FAT1: variants seen among roughly 807,000 people sequenced by gnomAD.
FAT1 encodes FAT atypical cadherin 1.
Under a neutral mutation model 329.8 loss-of-function variants are expected in FAT1, and 171 were observed. The observed-to-expected ratio is 0.52, with a 90% CI of 0.46 to 0.59. The LOEUF (loss-of-function observed/expected upper bound fraction) is 0.59. Among genes scored for constraint, FAT1 ranks in the 20% least tolerant of loss-of-function variants. FAT1 has a pLI of 0.00. For missense variants in FAT1, 5,672 were observed against 5,774.4 expected (o/e 0.98, Z 0.57); for synonymous variants, 2,233 against 2,228.6 (o/e 1.00, Z -0.06).
intron 3 of FAT1, among the ~76,000 whole-genome samples, chr4:186,647,424 A>G (rs1257636942): frequency 6.6e-6 from 1 of 152,210 alleles, no homozygotes; most frequent in Non-Finnish European, 1.5e-5. Context: ...ATTTGACCCC[A>G]AGTCTGTCTG....
At chr4:186,659,540 C>T (rs1056197908) in intron 3 of FAT1, among the ~76,000 whole-genome samples, 3 of 152,296 alleles carry the variant, frequency 2.0e-5, no homozygotes, top group African/African-American at 4.8e-5. Flanking sequence ...CCGTAACACC[C>T]GCAAGAGGAA....
At chr4:186,659,364 T>C (rs1019820741) in intron 3 of FAT1, among the ~76,000 whole-genome samples, 5 of 152,230 alleles carry the variant, frequency 3.3e-5, no homozygotes, top group African/African-American at 4.8e-5. Flanking sequence ...ATGATAACTG[T>C]AGGTATTCTC....
intron 2 of FAT1, among the ~76,000 whole-genome samples, chr4:186,693,008 C>T (rs758917231): frequency 2.0e-5 from 3 of 152,120 alleles, no homozygotes; most frequent in Non-Finnish European, 4.4e-5. Context: ...AGTAGGAAGA[C>T]GATGGAGGAG....
intron 2 of FAT1, among the ~76,000 whole-genome samples, chr4:186,682,526 C>CGAAAAAAAAAAAA (rs1743267537): frequency 8.4e-6 from 1 of 119,706 alleles, no homozygotes; most frequent in Non-Finnish European, 1.6e-5. Context: ...GACTCTGTCT[C>CGAAAAAAAAAAAA]AAAAAAAAAA....
intron 2 of FAT1, among the ~76,000 whole-genome samples, chr4:186,673,259 C>G (rs1480836299): frequency 6.6e-6 from 1 of 152,144 alleles, no homozygotes; most frequent in Non-Finnish European, 1.5e-5. Flanking sequence ...ATTTAAAAAT[C>G]TATATTTAAA....
chr4:186,604,071 TTAC>T, intron 18 of FAT1, 94 bp from the exon 19 acceptor site: 1 of 956,832 alleles, frequency 1.0e-6, no homozygotes. Flanking sequence ...TCCCAAAAAA[TTAC>T]TAACTGGTAG....
chr4:186,687,245 T>C (rs954061995), intron 2 of FAT1, among the ~76,000 whole-genome samples: 1 of 152,194 alleles, frequency 6.6e-6, no homozygotes, highest in Non-Finnish European at 1.5e-5. Flanking sequence ...ATTATGATAG[T>C]TCCCTGACTG....
At chr4:186,595,314 TGTGAGA>T (rs930550100) in intron 26 of FAT1, among the ~76,000 whole-genome samples, 3 of 151,504 alleles carry the variant, frequency 2.0e-5, no homozygotes, top group African/African-American at 7.3e-5. Flanking sequence ...TGTGTGTGTG[TGTGAGA>T]GAGAGTGTGT....
chr4:186,620,941 G>C lies in FAT1; in HGVS notation c.5645C>G (p.Pro1882Arg), dbSNP rs763882754. The C allele has an allele frequency of 6.2e-7, 1 of 1,613,830 alleles. No individual in the cohort carries two copies. Among genetic ancestry groups the C allele is most frequent in the Non-Finnish European group, 8.5e-7 (1 of 1,179,910 alleles). ...INDCPPVFAK[P>R]LYEASLLLPT... ...TAACAAAAGAGATGCTTCATATAAT[G>C]GCTTGGCAAACACAGGGGGGCAGTC... The change falls in exon 10 of 27, where the codon CCA (proline) becomes CGA (arginine). Residue 1882 changes from proline to arginine, a missense_variant. Pro to Arg is a moderately radical substitution (Grantham distance 103). This residue lies in a region of FAT1 where 3,966 missense variants were observed against 3,915.2 expected (regional missense o/e 1.01). Coordinates refer to ENST00000441802, the MANE Select transcript of FAT1 (RefSeq NM_005245.4).
chr4:186,699,495 T>C (rs900209129), intron 2 of FAT1, among the ~76,000 whole-genome samples: 1 of 152,126 alleles, frequency 6.6e-6, no homozygotes, highest in Non-Finnish European at 1.5e-5. Flanking sequence ...GAAGTATATA[T>C]GTGAATAGTT....
chr4:186,676,282 A>G (rs542201097), intron 2 of FAT1, among the ~76,000 whole-genome samples: 50 of 150,708 alleles, frequency 3.3e-4, no homozygotes, highest in African/African-American at 1.2e-3. Context: ...TTTTGTGAAA[A>G]AAAAAAACAA....
In FAT1 at chr4:186,609,408, GTTTC is replaced by G. The variant is rs112434190; in HGVS notation, c.10069-92_10069-89del. The G allele has an allele frequency of 4.8e-5, 69 of 1,425,046 alleles. 1 individual carries two copies. The African/African-American group carries it at 6.5e-4, about 13-fold the overall frequency. The allele number at this position is 1,425,046 out of a possible 1,614,324, so 88.3% of individuals were successfully genotyped here. A position where few individuals can be genotyped will look rare whatever the true frequency, so the allele number is the denominator to read the frequency against. On this transcript the variant is annotated intron_variant, in intron 15 of 26. Transcript: ENST00000441802. ...AATTTGTGATATTAATAGCTTAGCTGTTTCTTTTTGTTGTTGTTTTTTTTTTGAG... is the reference window on the plus strand; with the variant it reads ...AATTTGTGATATTAATAGCTTAGCTGTTTTTGTTGTTGTTTTTTTTTTGAG...
chr4:186,627,006 C>T (rs1251232212), intron 9 of FAT1, among the ~76,000 whole-genome samples: 229 of 77,724 alleles, frequency 2.9e-3, no homozygotes, highest in Middle Eastern at 8.2e-3. Context: ...TTCATCAGCC[C>T]ACAGAATGAA....
chr4:186,600,252 C>T lies in FAT1; in HGVS notation c.11749G>A (p.Glu3917Lys), dbSNP rs765570660. The T allele has an allele frequency of 2.5e-6, 4 of 1,613,986 alleles. No homozygotes were observed. The East Asian group carries it at 6.7e-5, about 27-fold the overall frequency. ...NDGQWHAVALEVNGNYARLVL... is the reference protein window; with the variant it reads ...NDGQWHAVALKVNGNYARLVL... ...AAGCGAGCATAGTTTCCATTCACTT[C>T]CAGGGCCACTGCGTGCCACTGCCCA... is the stretch of plus-strand genomic sequence containing the variant. The change falls in exon 22 of 27, where the codon GAA becomes AAA. Residue 3917 changes from glutamate to lysine, a missense_variant. Transcript: ENST00000441802.
At chr4:186,712,661 C>T (rs747788282) in intron 1 of FAT1, among the ~76,000 whole-genome samples, 4 of 152,130 alleles carry the variant, frequency 2.6e-5, no homozygotes, top group Admixed American at 6.5e-5. Context: ...AAAGAGGGAA[C>T]CCTAAATCCA....
chr4:186,726,323 A>G (rs567357719), upstream of FAT1: 3 of 152,374 alleles, frequency 2.0e-5, no homozygotes, highest in East Asian at 1.9e-4. Flanking sequence ...TAAATGCCAA[A>G]AGGCATGCAC....
Position 186,588,390 on chromosome 4 carries a change from T to C in FAT1, c.*202A>G, listed in dbSNP as rs1259545105. 2 of 586,228 alleles carry C rather than the reference T, an allele frequency of 3.4e-6. No individual in the cohort carries two copies. The highest frequency in any genetic ancestry group is 1.9e-5 in the African/African-American group (1 of 54,008). The allele number at this position is 586,228 out of a possible 1,614,324, so 36.3% of individuals were successfully genotyped here. ...GTAAATCCCAAAAGACGTTGGGAAA[T>C]GGCACAGCCGATGAAAACCTCACGA... On this transcript the variant is annotated 3_prime_UTR_variant, in exon 27 of 27. Coordinates refer to ENST00000441802, the MANE Select transcript of FAT1 (RefSeq NM_005245.4).
intron 1 of FAT1, 72 bp downstream of exon 1, chr4:186,723,592 C>CCACAGAGTCCG (rs896896324): frequency 2.0e-5 from 3 of 152,204 alleles, no homozygotes; most frequent in Non-Finnish European, 4.4e-5. Context: ...GGGCGGACAC[C>CCACAGAGTCCG]CACAGAGTCC....
chr4:186,629,231 A>C (rs1740471040), intron 7 of FAT1, among the ~76,000 whole-genome samples: 1 of 152,210 alleles, frequency 6.6e-6, no homozygotes, highest in African/African-American at 2.4e-5. Context: ...TGACATCCCA[A>C]GCCCCTGATC....
Sources: gnomAD v4.1 joint callset for allele counts (sites outside exome capture counted in the v4.1 genomes callset) on GRCh38, gnomAD v4.1.1 for gene constraint, gnomAD v4.1.1 regional missense constraint, MANE v1.5 for transcripts, NCBI Gene and HGNC (gene_info 2026-07-23, HGNC 2026-07-21) for gene names.